Variants in DHX8 observed in about 807,000 individuals in gnomAD.
DHX8 encodes the protein ATP-dependent RNA helicase DHX8.
In DHX8, 67 loss-of-function variants were observed where a neutral mutation model predicts 140.7. The observed-to-expected ratio is 0.48, with a 90% confidence interval of 0.39 to 0.58. The LOEUF (loss-of-function observed/expected upper bound fraction) is 0.58, where lower values mean the gene tolerates loss of function less well. Ranked by LOEUF, DHX8 falls within the 20% of genes least tolerant of loss-of-function variation. DHX8 has a pLI of 0.00. For synonymous variants in DHX8, 533 were observed against 553.2 expected, an observed-to-expected ratio of 0.96 and a Z score of 0.51; for missense variants, 887 against 1,550.7, an observed-to-expected ratio of 0.57 and a Z score of 7.19.
chr17:43,493,972 G>A, intron 8 of DHX8, 86 bp downstream of exon 8: 2 of 1,426,302 alleles, frequency 1.4e-6, no homozygotes, highest in Non-Finnish European at 1.9e-6. Context: ...CGATGGCCTG[G>A]GATAACTTTT....
downstream of DHX8, chr17:43,528,750 G>GGA (rs749592122): frequency 1.2e-5 from 19 of 1,612,452 alleles, no homozygotes; most frequent in Non-Finnish European, 1.6e-5. Flanking sequence ...CCACCTATGG[G>GGA]GAGAGAGAAG....
chr17:43,523,930 G>C lies in DHX8; in HGVS notation c.*83G>C. 3 of 1,567,228 alleles carry C rather than the reference G, an allele frequency of 1.9e-6. No individual in the cohort carries two copies. Among genetic ancestry groups the C allele is most frequent in the African/African-American group, 1.3e-5 (1 of 74,286 alleles). ...ATGACAGGCTGGTCCTGAGGATACA[G>C]CTGTCCCGTGACTGACTGTCTTAAC... On this transcript the variant is annotated 3_prime_UTR_variant, in exon 23 of 23. Coordinates refer to ENST00000262415, the MANE Select transcript of DHX8 (RefSeq NM_004941.3).
intron 11 of DHX8, among the ~76,000 whole-genome samples, chr17:43,504,116 G>A (rs2154586591): frequency 6.6e-6 from 1 of 152,072 alleles, no homozygotes; most frequent in East Asian, 1.9e-4. Context: ...AACATGGTTT[G>A]TGAATTACAT....
Position 43,484,135 on chromosome 17 carries a change from AG to A in DHX8, c.100del (p.Val34PhefsTer20). On this transcript the variant is annotated frameshift_variant, in exon 1 of 23. Coordinates refer to ENST00000262415, the MANE Select transcript of DHX8 (RefSeq NM_004941.3). LOFTEE classifies it high-confidence loss of function. Reference protein sequence around the residue: ...AKLEYLSLVSKVCTELDNHLG... With the variant: ...AKLEYLSLVSXVCTELDNHLG... The stretch of plus-strand genomic sequence containing the variant: ...CTCGAGTACCTGTCTTTGGTGTCAA[AG>A]GTTTGCACTGAGCTGGACAATCACT... The A allele has an allele frequency of 6.2e-7, 1 of 1,614,162 alleles. No individual in the cohort carries two copies. Among genetic ancestry groups the A allele is most frequent in the South Asian group, 1.1e-5 (1 of 91,082 alleles).
downstream of DHX8, chr17:43,529,325 G>A (rs759292567): frequency 1.4e-6 from 2 of 1,438,670 alleles, no homozygotes; most frequent in East Asian, 2.3e-5. Flanking sequence ...GAGATTCTTG[G>A]TGCAAAGTGC....
intron 1 of DHX8, among the ~76,000 whole-genome samples, chr17:43,488,623 AAG>A (rs1968320838): frequency 6.6e-6 from 1 of 151,702 alleles, no homozygotes; most frequent in Non-Finnish European, 1.5e-5. Flanking sequence ...AAAAAAAAAA[AAG>A]AAGAACTAGG....
downstream of DHX8, chr17:43,528,377 T>G: frequency 1.7e-6 from 1 of 596,626 alleles, no homozygotes; most frequent in Non-Finnish European, 2.9e-6. Flanking sequence ...GCTCAGAGTC[T>G]GGGCTAGGGC....
At position 43,523,937 on chromosome 17, in the gene DHX8, C is replaced by T. The variant is rs144037792; in HGVS notation, c.*90C>T. ...GCTGGTCCTGAGGATACAGCTGTCC[C>T]GTGACTGACTGTCTTAACTGAGCAT... On this transcript the variant is annotated 3_prime_UTR_variant, in exon 23 of 23. Transcript: ENST00000262415. 8.7e-4 allele frequency: 1,358 copies of T among 1,553,290 alleles called. 5 individuals are homozygous for T. The highest frequency in any genetic ancestry group is 4.6e-3 in the Middle Eastern group (24 of 5,188).
rs1263152381 is a variant in DHX8 at position 43,492,266 on chromosome 17, G to A, written c.477G>A (p.Gln159=). The part of the protein sequence containing the change: ...LEALMPSAAG[Q]EKQRDAEHRD... Reference sequence around the variant, plus strand: ...CTTTAATGCCCAGCGCAGCAGGCCAGGAGAAGCAAAGAGATGCTGAACACC... The same window carrying A: ...CTTTAATGCCCAGCGCAGCAGGCCAAGAGAAGCAAAGAGATGCTGAACACC... The change falls in exon 5 of 23, where the codon CAG becomes CAA. Residue 159 remains glutamine, a synonymous_variant. Coordinates refer to ENST00000262415, the MANE Select transcript of DHX8 (RefSeq NM_004941.3). The A allele has an allele frequency of 1.9e-6, 3 of 1,613,968 alleles. No individual in the cohort carries two copies. In the Admixed American group the frequency reaches 5.0e-5, roughly 27 times the overall value.
chr17:43,526,568 GAACA>G (rs1442508239), downstream of DHX8: 5 of 1,535,546 alleles, frequency 3.3e-6, no homozygotes, highest in African/African-American at 6.8e-5. Flanking sequence ...TTGAGGATTT[GAACA>G]AAGAACTGGG....
intron 17 of DHX8, among the ~76,000 whole-genome samples, chr17:43,516,693 C>T (rs1970130651): frequency 6.6e-6 from 1 of 152,106 alleles, no homozygotes; most frequent in Non-Finnish European, 1.5e-5. Context: ...ATGCAATCTG[C>T]CCACCTTGGC....
chr17:43,542,359 C>G (rs1183046645), intron 3 of DHX8, among the ~76,000 whole-genome samples: 1 of 152,158 alleles, frequency 6.6e-6, no homozygotes, highest in African/African-American at 2.4e-5. Context: ...GGGTCATGGC[C>G]TAGAGTCAAT....
chr17:43,523,407 G>T (rs1462297792), intron 22 of DHX8, among the ~76,000 whole-genome samples: 1 of 152,216 alleles, frequency 6.6e-6, no homozygotes, highest in Non-Finnish European at 1.5e-5. Flanking sequence ...CCAGAGCCAG[G>T]ACTAGAATAC....
chr17:43,535,438 C>T (rs773543098), intron 2 of DHX8, among the ~76,000 whole-genome samples: 15 of 152,080 alleles, frequency 9.9e-5, no homozygotes, highest in Non-Finnish European at 1.5e-4. Flanking sequence ...CCACCATGCC[C>T]GGCTAATTTT....
intron 2 of DHX8, chr17:43,533,466 G>A (rs941623677): frequency 1.0e-6 from 1 of 972,642 alleles, no homozygotes; most frequent in Admixed American, 2.7e-5. Context: ...GATAGAGGGG[G>A]CTGAGAAGGG....
intron 1 of DHX8, among the ~76,000 whole-genome samples, chr17:43,486,101 G>A (rs1460903498): frequency 6.6e-6 from 1 of 151,230 alleles, no homozygotes; most frequent in African/African-American, 2.4e-5. Context: ...TGAGGCAGGA[G>A]AATCGCTTGA....
intron 17 of DHX8, among the ~76,000 whole-genome samples, chr17:43,513,814 A>G (rs1012293780): frequency 4.0e-5 from 6 of 148,722 alleles, no homozygotes; most frequent in African/African-American, 1.5e-4. Flanking sequence ...CCTGGGTTCA[A>G]GCGATTCTCC....
At chr17:43,509,330 G>A (rs1047825923) in intron 16 of DHX8, among the ~76,000 whole-genome samples, 8 of 152,200 alleles carry the variant, frequency 5.3e-5, no homozygotes, top group African/African-American at 1.9e-4. Flanking sequence ...GCCAGTTCAG[G>A]GAATGGCATA....
At chr17:43,540,628 A>G (rs1971472936) in intron 3 of DHX8, among the ~76,000 whole-genome samples, 1 of 152,140 alleles carries the variant, frequency 6.6e-6, no homozygotes, top group African/African-American at 2.4e-5. Context: ...TGCAGCCTCT[A>G]ACTCCTGGGC....
Sources: allele counts gnomAD v4.1 joint callset (sites outside exome capture counted in the v4.1 genomes callset), GRCh38; gene constraint gnomAD v4.1.1; transcripts MANE v1.5; gene names NCBI Gene and HGNC (gene_info 2026-07-23, HGNC 2026-07-21).